Variants in AFF3 observed in about 807,000 individuals in gnomAD.
AFF3 encodes the protein ALF transcription elongation factor 3, also known as AF4/FMR2 family member 3.
In AFF3, 32 loss-of-function variants were observed where a neutral mutation model predicts 129.7. The observed-to-expected ratio is 0.25, with a 90% confidence interval of 0.19 to 0.33. The LOEUF (loss-of-function observed/expected upper bound fraction) is 0.33, where lower values mean the gene tolerates loss of function less well. Ranked by LOEUF, AFF3 falls within the 10% of genes least tolerant of loss-of-function variation. AFF3 has a pLI of 1.00. For synonymous variants in AFF3, 644 were observed against 635.4 expected, an observed-to-expected ratio of 1.01 and a Z score of -0.20; for missense variants, 1,373 against 1,592.0, an observed-to-expected ratio of 0.86 and a Z score of 2.34.
intron 4 of AFF3, among the ~76,000 whole-genome samples, chr2:100,061,857 A>AGGGGG (rs11370065): frequency 1.0e-5 from 1 of 97,268 alleles, no homozygotes; most frequent in African/African-American, 3.2e-5. Flanking sequence ...AGCACAGTGG[A>AGGGGG]GGGGGGGGGG....
At chr2:99,831,455 A>G (rs1374387072) in intron 8 of AFF3, among the ~76,000 whole-genome samples, 1 of 152,236 alleles carries the variant, frequency 6.6e-6, no homozygotes, top group Non-Finnish European at 1.5e-5. Context: ...GAACACTAGC[A>G]TTTCACTGTC....
At chr2:99,790,593 G>A (rs1248506412) in intron 8 of AFF3, among the ~76,000 whole-genome samples, 4 of 152,186 alleles carry the variant, frequency 2.6e-5, no homozygotes, top group African/African-American at 9.7e-5. Flanking sequence ...CAGGGGCAAT[G>A]TCTGGAGATA....
At chr2:100,030,785 C>T (rs542784584) in intron 4 of AFF3, among the ~76,000 whole-genome samples, 2 of 152,106 alleles carry the variant, frequency 1.3e-5, no homozygotes, top group African/African-American at 2.4e-5. Context: ...TCCAATTATA[C>T]GACATGCTGA....
chr2:100,126,915 G>T (rs1692217026), intron 2 of AFF3, among the ~76,000 whole-genome samples: 1 of 152,168 alleles, frequency 6.6e-6, no homozygotes, highest in Non-Finnish European at 1.5e-5. Context: ...GGAAAGGAGG[G>T]TATTATTAAT....
intron 4 of AFF3, among the ~76,000 whole-genome samples, chr2:100,046,581 G>C (rs1377607037): frequency 6.6e-6 from 1 of 152,146 alleles, no homozygotes; most frequent in Non-Finnish European, 1.5e-5. Flanking sequence ...TAAAATGCAA[G>C]GGAAGGATTC....
At chr2:99,790,655 C>T (rs1685129922) in intron 8 of AFF3, among the ~76,000 whole-genome samples, 1 of 152,092 alleles carries the variant, frequency 6.6e-6, no homozygotes, top group Admixed American at 6.5e-5. Flanking sequence ...TGGGTAGATG[C>T]CAGGGGTACT....
In AFF3 at chr2:99,922,456, A is replaced by G. The variant is rs1695925321; in HGVS notation, c.873+84176T>C. Among the ~76,000 whole-genome samples, 3 of 152,356 alleles carry G rather than the reference A, an allele frequency of 2.0e-5. No individual in the cohort carries two copies. In the South Asian group the frequency reaches 6.2e-4, roughly 32 times the overall value. On this transcript the variant is annotated intron_variant, in intron 7 of 24. Transcript: ENST00000672756. ...AAAATATTAGTACTGTGCTGGATAA[A>G]AAGAAGCCAGAAACTTAAGGCACAT...
intron 7 of AFF3, among the ~76,000 whole-genome samples, chr2:99,858,232 C>T (rs974046848): frequency 7.9e-5 from 12 of 152,058 alleles, no homozygotes; most frequent in African/African-American, 1.2e-4. Flanking sequence ...AGGCCCACAA[C>T]GGAAGCAAAG....
chr2:99,738,526 CT>C (rs1283997752), intron 10 of AFF3, among the ~76,000 whole-genome samples: 2 of 152,008 alleles, frequency 1.3e-5, no homozygotes, highest in Non-Finnish European at 2.9e-5. Context: ...ATACTTGAAA[CT>C]TTTTTCTTCT....
At chr2:99,771,763 G>A (rs959170205) in intron 8 of AFF3, among the ~76,000 whole-genome samples, 37 of 152,258 alleles carry the variant, frequency 2.4e-4, no homozygotes, top group African/African-American at 8.7e-4. Context: ...CCCAGGAAGT[G>A]ACGTATTTCT....
chr2:99,835,028 G>A (rs914554484), intron 8 of AFF3, among the ~76,000 whole-genome samples: 9 of 152,110 alleles, frequency 5.9e-5, no homozygotes, highest in African/African-American at 2.2e-4. Context: ...AACTCACCAT[G>A]CTCAAAAATG....
At chr2:99,700,636 G>C (rs1676759839) in intron 11 of AFF3, among the ~76,000 whole-genome samples, 2 of 152,206 alleles carry the variant, frequency 1.3e-5, no homozygotes, top group South Asian at 4.1e-4. Flanking sequence ...TGTCAGCTCT[G>C]TTTACCTGAA....
In AFF3 at chr2:99,814,790, A is replaced by T. The variant is rs575369464; in HGVS notation, c.921+22687T>A. Among the ~76,000 whole-genome samples, 6 of 152,196 alleles carry T rather than the reference A, an allele frequency of 3.9e-5. No individual in the cohort carries two copies. The South Asian group carries it at 1.2e-3, about 32-fold the overall frequency. ...ACAGCCCAAAGAAGGCCCAAGGTGG[A>T]GGAAGGAAAAACTTGAAGTTTAGAG... On this transcript the variant is annotated intron_variant, in intron 8 of 24. Transcript: ENST00000672756.
chr2:99,824,908 G>T (rs1187311303), intron 8 of AFF3, among the ~76,000 whole-genome samples: 1 of 152,148 alleles, frequency 6.6e-6, no homozygotes. Context: ...AGTTAATTTA[G>T]GAGTCTAAAC....
chr2:99,953,305 A>G, intron 7 of AFF3, among the ~76,000 whole-genome samples: 1 of 152,048 alleles, frequency 6.6e-6, no homozygotes, highest in East Asian at 1.9e-4. Flanking sequence ...CCTCCACTGG[A>G]AAAAAAATGG....
chr2:99,745,999 A>G (rs561831184), intron 9 of AFF3, among the ~76,000 whole-genome samples: 1 of 152,110 alleles, frequency 6.6e-6, no homozygotes, highest in African/African-American at 2.4e-5. Context: ...GACATGAGAT[A>G]AAAAAACTAC....
chr2:99,712,460 C>G (rs997403338), intron 11 of AFF3, among the ~76,000 whole-genome samples: 3 of 152,204 alleles, frequency 2.0e-5, no homozygotes, highest in African/African-American at 7.2e-5. Context: ...ATGGCAGGGG[C>G]CCAGTGCATG....
chr2:100,016,046 T>C (rs944456487), intron 4 of AFF3, among the ~76,000 whole-genome samples: 9 of 150,916 alleles, frequency 6.0e-5, no homozygotes, highest in Non-Finnish European at 1.2e-4. Flanking sequence ...GTGATGGTGA[T>C]GATTGTGATA....
intron 8 of AFF3, among the ~76,000 whole-genome samples, chr2:99,769,312 C>T (rs1045529751): frequency 1.3e-5 from 2 of 152,176 alleles, no homozygotes; most frequent in African/African-American, 4.8e-5. Context: ...ATGTCAGCTG[C>T]ATTTTTCAAC....
Sources: gnomAD v4.1 joint callset for allele counts (sites outside exome capture counted in the v4.1 genomes callset) on GRCh38, gnomAD v4.1.1 for gene constraint, MANE v1.5 for transcripts, NCBI Gene and HGNC (gene_info 2026-07-23, HGNC 2026-07-21) for gene names.